The following ADGRG2 variants were observed in gnomAD, a reference collection of about 807,000 sequenced individuals.
ADGRG2 encodes G protein-coupled receptor 64.
In ADGRG2, 26 loss-of-function variants were observed where a neutral mutation model predicts 74.1. That is an observed-to-expected ratio of 0.35 (90% CI 0.26 to 0.49). ADGRG2 has a LOEUF of 0.49. Among genes scored for constraint, ADGRG2 ranks in the 20% least tolerant of loss-of-function variants. The pLI, the probability that ADGRG2 is intolerant of heterozygous loss-of-function variation, is 0.99. For missense variants in ADGRG2, 619 were observed against 763.1 expected (o/e 0.81, Z 2.22); for synonymous variants, 296 against 295.2 (o/e 1.00, Z -0.03).
At chrX:19,048,231 C>T (rs777417066) in intron 3 of ADGRG2, among the ~76,000 whole-genome samples, 2 of 111,855 alleles carry the variant, frequency 1.8e-5, no homozygotes, top group African/African-American at 3.2e-5. Flanking sequence ...ATAAATGCCC[C>T]GAAATAAAAT....
chrX:19,111,873 T>C (rs1016344421), intron 1 of ADGRG2, among the ~76,000 whole-genome samples: 9 of 110,913 alleles, frequency 8.1e-5, no homozygotes, highest in African/African-American at 3.0e-4. Flanking sequence ...TAGTAATGAA[T>C]TGCAGACCTA....
At chrX:19,110,601 A>G (rs1454999929) in intron 1 of ADGRG2, among the ~76,000 whole-genome samples, 1 of 108,802 alleles carries the variant, frequency 9.2e-6, no homozygotes, top group African/African-American at 3.4e-5. Context: ...CACAAGAATC[A>G]CTTGAACCCG....
intron 3 of ADGRG2, among the ~76,000 whole-genome samples, chrX:19,043,761 A>AC (rs1555900727): frequency 1.0e-5 from 1 of 100,283 alleles, no homozygotes; most frequent in East Asian, 3.2e-4. Context: ...CCTCCCAGGC[A>AC]TTTTTTTTTT....
In ADGRG2 at chrX:19,013,745, G is replaced by A. The variant is rs1249561200; in HGVS notation, c.1040C>T (p.Ser347Phe). 3.3e-6 allele frequency: 4 copies of A among 1,200,525 alleles called. No homozygotes were observed. Among genetic ancestry groups the A allele is most frequent in the South Asian group, 1.8e-5 (1 of 54,725 alleles). The change falls in exon 16 of 29, where the codon TCT (serine) becomes TTT (phenylalanine). Residue 347 changes from serine (S) to phenylalanine (F), a missense_variant. Around this residue, in one of 3 missense-constraint regions of ADGRG2, gnomAD observed 292 missense variants for 318.0 expected, o/e 0.92. Transcript: ENST00000379869. Reference protein sequence around the residue: ...TPPPVKASFSSPTVSAPANVN... With the variant: ...TPPPVKASFSFPTVSAPANVN... ...ATTCGCAGGGGCAGACACGGTGGGA[G>A]AGGAAAATGAGGCTTTCACAGGAGG... is the stretch of plus-strand genomic sequence containing the variant.
chrX:19,116,506 C>CAAA (rs10677696), intron 1 of ADGRG2, among the ~76,000 whole-genome samples: 3,546 of 23,937 alleles, frequency 0.15, 472 homozygotes, highest in African/African-American at 0.26. Flanking sequence ...GATTCCGTCT[C>CAAA]AAAAAAAAAA....
At chrX:19,064,222 T>C (rs1333914383) in intron 3 of ADGRG2, among the ~76,000 whole-genome samples, 1 of 112,050 alleles carries the variant, frequency 8.9e-6, no homozygotes, top group East Asian at 2.8e-4. Flanking sequence ...CAAGGGGGTA[T>C]AGGCAGGGCA....
At chrX:19,053,360 G>T (rs771054180) in intron 3 of ADGRG2, among the ~76,000 whole-genome samples, 11 of 110,613 alleles carry the variant, frequency 9.9e-5, no homozygotes, top group Non-Finnish European at 1.9e-4. Flanking sequence ...CGGGGCGGAG[G>T]GGGGGTCACT....
intron 1 of ADGRG2, among the ~76,000 whole-genome samples, chrX:19,103,189 AC>A (rs2062218528): frequency 9.0e-6 from 1 of 111,127 alleles, no homozygotes; most frequent in Admixed American, 9.6e-5. Flanking sequence ...GACAAAAATG[AC>A]CTCTGGTTGT....
intron 1 of ADGRG2, among the ~76,000 whole-genome samples, chrX:19,121,654 G>A (rs1344125018): frequency 9.1e-6 from 1 of 110,432 alleles, no homozygotes. Flanking sequence ...GCAGACGCTC[G>A]GCCCCCACCC....
intron 1 of ADGRG2, among the ~76,000 whole-genome samples, chrX:19,097,182 G>A (rs897907186): frequency 9.8e-5 from 11 of 112,482 alleles, no homozygotes; most frequent in African/African-American, 2.9e-4. Context: ...TGACCTCTTC[G>A]TGTGAAGGTC....
At chrX:19,045,384 T>C (rs1310487227) in intron 3 of ADGRG2, among the ~76,000 whole-genome samples, 1 of 107,861 alleles carries the variant, frequency 9.3e-6, no homozygotes, top group Admixed American at 1.0e-4. Context: ...CTCGGCTCAC[T>C]GCAAGCTCCT....
chrX:19,010,128 T>G (rs1045250250), intron 17 of ADGRG2, among the ~76,000 whole-genome samples: 9 of 107,656 alleles, frequency 8.4e-5, no homozygotes, highest in South Asian at 4.1e-4. Context: ...TTTTTGTTTT[T>G]TTTTTTTTTT....
At position 19,024,896 on chromosome X, in the gene ADGRG2, C is replaced by G. The variant is rs762474386; in HGVS notation, c.471-948G>C. 1.1e-4 allele frequency among the ~76,000 whole-genome samples: 12 copies of G among 112,490 alleles called. No individual in the cohort carries two copies. In the South Asian group the frequency reaches 4.4e-3, roughly 42 times the overall value. ...CTCCTGGGCTCAAGCGATCCTCCTG[C>G]CTCAGCCTCCTGAGTAGCTGGGACT... On this transcript the variant is annotated intron_variant, in intron 11 of 28. Transcript: ENST00000379869.
rs1304464659 is a variant in ADGRG2 at position 19,008,082 on chromosome X, T to G, written c.1464A>C (p.Thr488=). The change falls in exon 19 of 29, where the codon ACA becomes ACC. Residue 488 remains threonine, a synonymous_variant. Transcript: ENST00000379869. The part of the protein sequence containing the change: ...ETQAPENSIG[T]ITLPSSLMNN... ...TCATCAGCGATGAAGGAAGAGTAAT[T>G]GTGCCAATACTGTTCTCAGGAGCTT... is the stretch of plus-strand genomic sequence containing the variant. 8.4e-7 allele frequency: 1 copy of G among 1,196,852 alleles called. No individual in the cohort carries two copies. The highest frequency in any genetic ancestry group is 3.0e-5 in the East Asian group (1 of 33,765).
chrX:19,091,491 G>GTC (rs1238371068), intron 1 of ADGRG2, among the ~76,000 whole-genome samples: 2 of 57,308 alleles, frequency 3.5e-5, no homozygotes, highest in African/African-American at 7.0e-5. Flanking sequence ...CAGATTTTAT[G>GTC]TCACACACAC....
At chrX:19,091,722 C>T (rs774482397) in intron 1 of ADGRG2, among the ~76,000 whole-genome samples, 3 of 112,214 alleles carry the variant, frequency 2.7e-5, no homozygotes, top group African/African-American at 9.7e-5. Context: ...CATTACAGCA[C>T]AAAAACAGCC....
intron 1 of ADGRG2, among the ~76,000 whole-genome samples, chrX:19,110,889 T>C (rs1460987025): frequency 9.0e-6 from 1 of 110,822 alleles, no homozygotes; most frequent in Non-Finnish European, 1.9e-5. Context: ...CATAGTCCAG[T>C]AGGGAATGAC....
In ADGRG2 at chrX:19,068,803, A is replaced by G; in HGVS notation, c.32T>C (p.Val11Ala). The change falls in exon 3 of 29, where the codon GTT becomes GCT. Residue 11 changes from valine (V) to alanine (A), a missense_variant. Val to Ala is a moderately conservative substitution (Grantham distance 64, BLOSUM62 0). Coordinates refer to ENST00000379869, the MANE Select transcript of ADGRG2 (RefSeq NM_001079858.3). MVFSVRQCGH[V>A]GRTEEVLLTF... ...CAGTAAAACTTCTTCAGTTCTGCCA[A>G]CATGGCCACACTGCCTGACAGAGAA... The G allele has an allele frequency of 8.8e-7, 1 of 1,137,917 alleles. No homozygotes were observed. The allele number at this position is 1,137,917 out of a possible 1,213,427, so 93.8% of individuals were successfully genotyped here. A position where few individuals can be genotyped will look rare whatever the true frequency, so the allele number is the denominator to read the frequency against.
intron 4 of ADGRG2, among the ~76,000 whole-genome samples, chrX:19,038,398 C>T (rs1399609522): frequency 8.9e-6 from 1 of 112,081 alleles, no homozygotes; most frequent in Non-Finnish European, 1.9e-5. Flanking sequence ...CTGCTTTAGA[C>T]TGCTCTTGTG....
Sources: allele counts gnomAD v4.1 joint callset (sites outside exome capture counted in the v4.1 genomes callset), GRCh38; gene constraint gnomAD v4.1.1; regional missense constraint gnomAD v4.1.1; transcripts MANE v1.5; gene names NCBI Gene and HGNC (gene_info 2026-07-23, HGNC 2026-07-21).